Variants in DSTN observed in about 807,000 individuals in gnomAD.
DSTN encodes the protein destrin, actin depolymerizing factor.
Under a neutral mutation model 16.8 loss-of-function variants are expected in DSTN, and 10 were observed. The ratio of observed to expected loss-of-function variants is 0.60; its 90% CI spans 0.37 to 1.01. DSTN has a LOEUF of 1.01. DSTN is among the 50% of genes least tolerant of loss of function. DSTN has a pLI of 0.01. For missense variants in DSTN, 141 were observed against 196.7 expected, an observed-to-expected ratio of 0.72 and a Z score of 1.69; for synonymous variants, 57 against 58.9, an observed-to-expected ratio of 0.97 and a Z score of 0.14.
intron 3 of DSTN, chr20:17,605,346 A>G: frequency 2.9e-6 from 1 of 340,244 alleles, no homozygotes; most frequent in East Asian, 7.6e-5. Context: ...CAGCTGTAGA[A>G]GGGGAGACTT....
Position 17,600,749 on chromosome 20 carries a change from G to T in DSTN, c.15G>T (p.Val5=). 7 of 1,609,374 alleles carry T rather than the reference G, an allele frequency of 4.3e-6. No individual in the cohort carries two copies. The highest frequency in any genetic ancestry group is 5.9e-6 in the Non-Finnish European group (7 of 1,176,944). ...TTTTCTCATCATAGGCCTCAGGAGT[G>T]CAAGTAGCTGATGAAGTATGTCGCA... MASG[V]QVADEVCRIF... Residue 5 remains valine (V), a synonymous_variant, in exon 2 of 4, where the codon GTG becomes GTT. Coordinates refer to ENST00000246069, the MANE Select transcript of DSTN (RefSeq NM_006870.4).
chr20:17,596,865 T>G, intron 1 of DSTN: 4 of 909,238 alleles, frequency 4.4e-6, no homozygotes, highest in Non-Finnish European at 5.3e-6. Flanking sequence ...TGTTTTTGAT[T>G]ACTAGTACAT....
chr20:17,598,111 G>A (rs899640415), intron 1 of DSTN, among the ~76,000 whole-genome samples: 1 of 152,036 alleles, frequency 6.6e-6, no homozygotes, highest in African/African-American at 2.4e-5. Flanking sequence ...CTTTAGGATT[G>A]TTTTCACTTT....
chr20:17,603,287 G>C (rs182125972), intron 2 of DSTN, among the ~76,000 whole-genome samples: 1 of 152,120 alleles, frequency 6.6e-6, no homozygotes, highest in African/African-American at 2.4e-5. Flanking sequence ...GAAGTATTTA[G>C]CTATACCGTA....
intron 1 of DSTN, 129 bp downstream of exon 1, chr20:17,570,340 T>C (rs1408011859): frequency 1.6e-6 from 2 of 1,251,624 alleles, no homozygotes; most frequent in Admixed American, 4.0e-5. Context: ...CCGGCTGCAG[T>C]GTCCGGGCTG....
chr20:17,590,717 AT>A (rs549787275), intron 1 of DSTN, among the ~76,000 whole-genome samples: 142 of 152,354 alleles, frequency 9.3e-4, no homozygotes, highest in Middle Eastern at 3.4e-3. Context: ...CTCTTAGAAA[AT>A]TTTTTAAGTA....
rs1287094245 is a variant in DSTN, at chr20:17,577,960, G to A, written c.3+7749G>A. 7.9e-5 allele frequency among the ~76,000 whole-genome samples: 12 copies of A among 152,202 alleles called. No individual in the cohort carries two copies. In the East Asian group the frequency reaches 2.3e-3, roughly 29 times the overall value. On this transcript the variant is annotated intron_variant, in intron 1 of 3. Coordinates refer to ENST00000246069, the MANE Select transcript of DSTN (RefSeq NM_006870.4). ...GAATTTAAGTTAATTAAAATTAAAT[G>A]AAAATACAGTTCCTCAGTCACACTA... is the stretch of plus-strand genomic sequence containing the variant.
chr20:17,602,629 G>A (rs965890059), intron 2 of DSTN, among the ~76,000 whole-genome samples: 2 of 152,126 alleles, frequency 1.3e-5, no homozygotes, highest in African/African-American at 2.4e-5. Context: ...AACAAGCTCC[G>A]CCCATGGCCC....
chr20:17,585,207 A>G (rs940538163), intron 1 of DSTN, among the ~76,000 whole-genome samples: 1 of 152,216 alleles, frequency 6.6e-6, no homozygotes, highest in African/African-American at 2.4e-5. Context: ...TCTGTTAATA[A>G]ATAAGGACTT....
At position 17,600,981 on chromosome 20, in the gene DSTN, G is replaced by T; in HGVS notation, c.247G>T (p.Ala83Ser). ...GCTTCCTGAAAAAGATTGTCGCTAT[G>T]CTTTGTATGATGCAAGCTTTGAAAC... ...GMLPEKDCRY[A>S]LYDASFETKE... Residue 83 changes from alanine to serine, a missense_variant, in exon 2 of 4, where the codon GCT becomes TCT. Physicochemically the swap from Ala to Ser is moderately conservative, Grantham distance 99. Coordinates refer to ENST00000246069, the MANE Select transcript of DSTN (RefSeq NM_006870.4). 6.2e-7 allele frequency: 1 copy of T among 1,613,674 alleles called. No individual in the cohort carries two copies. Among genetic ancestry groups the T allele is most frequent in the Non-Finnish European group, 8.5e-7 (1 of 1,179,798 alleles).
At chr20:17,570,465 T>C (rs1023365276) in intron 1 of DSTN, among the ~76,000 whole-genome samples, 1 of 152,202 alleles carries the variant, frequency 6.6e-6, no homozygotes, top group African/African-American at 2.4e-5. Context: ...GCCGCCGCCC[T>C]GAGCGTGGCC....
chr20:17,580,272 A>G (rs1381153097), intron 1 of DSTN, among the ~76,000 whole-genome samples: 1 of 152,214 alleles, frequency 6.6e-6, no homozygotes, highest in African/African-American at 2.4e-5. Flanking sequence ...CTCAATGTTT[A>G]GAATAACAAT....
intron 1 of DSTN, among the ~76,000 whole-genome samples, chr20:17,593,601 A>G (rs928759051): frequency 6.6e-6 from 1 of 152,226 alleles, no homozygotes; most frequent in African/African-American, 2.4e-5. Context: ...TTGATCTGAC[A>G]TCTAAAGAGT....
rs2035681358 is a variant in DSTN at position 17,609,909 on chromosome 20, T to A, written c.*2763T>A. The A allele has an allele frequency of 2.0e-5, 3 of 152,268 alleles. No individual in the cohort carries two copies. Among genetic ancestry groups the A allele is most frequent in the Admixed American group, 2.0e-4 (3 of 15,290 alleles). The allele number at this position is 152,268 out of a possible 1,614,324, so 9.4% of individuals were successfully genotyped here. A position where few individuals can be genotyped will look rare whatever the true frequency, so the allele number is the denominator to read the frequency against. ...ACAAAGCAGCAAATAAAGCCATTGC[T>A]AACAATTCAATCAGAGCTTGACTGT... On this transcript the variant is annotated 3_prime_UTR_variant, in exon 4 of 4. Coordinates refer to ENST00000246069, the MANE Select transcript of DSTN (RefSeq NM_006870.4).
intron 1 of DSTN, among the ~76,000 whole-genome samples, 171 bp downstream of exon 1, chr20:17,570,382 C>T (rs1294978977): frequency 6.6e-6 from 1 of 152,092 alleles, no homozygotes; most frequent in Admixed American, 6.5e-5. Flanking sequence ...GCCTCCGTCT[C>T]CCGCCGTCCT....
intron 1 of DSTN, among the ~76,000 whole-genome samples, chr20:17,590,267 TGTGA>T (rs1464533025): frequency 3.9e-5 from 6 of 151,996 alleles, no homozygotes; most frequent in African/African-American, 1.5e-4. Context: ...TACTTCCCTC[TGTGA>T]GTGAGTAGTA....
intron 1 of DSTN, among the ~76,000 whole-genome samples, chr20:17,570,477 C>T (rs865866525): frequency 6.6e-6 from 1 of 152,204 alleles, no homozygotes; most frequent in South Asian, 2.1e-4. Context: ...AGCGTGGCCT[C>T]TGCGGGTGTC....
chr20:17,581,209 G>T (rs2035340127), intron 1 of DSTN, among the ~76,000 whole-genome samples: 1 of 152,104 alleles, frequency 6.6e-6, no homozygotes, highest in South Asian at 2.1e-4. Context: ...GGCTGTGTGT[G>T]GTGACCCATG....
chr20:17,607,133 G>T lies in DSTN; in HGVS notation c.485G>T (p.Gly162Val). 1 of 1,612,344 alleles carries T rather than the reference G, an allele frequency of 6.2e-7. No homozygotes were observed. Among genetic ancestry groups the T allele is most frequent in the South Asian group, 1.1e-5 (1 of 90,982 alleles). Reference protein sequence around the residue: ...LGGSLIVAFEGCPV With the variant: ...LGGSLIVAFEVCPV ...GGATCCTTAATTGTAGCCTTTGAAG[G>T]ATGCCCTGTGTAGATTATTCAGTGC... Residue 162 changes from glycine to valine, a missense_variant, in exon 4 of 4, where the codon GGA (glycine) becomes GTA (valine). By Grantham distance (109) the Gly-to-Val change is moderately radical. Coordinates refer to ENST00000246069, the MANE Select transcript of DSTN (RefSeq NM_006870.4).
Sources: gnomAD v4.1 joint callset for allele counts (sites outside exome capture counted in the v4.1 genomes callset) on GRCh38, gnomAD v4.1.1 for gene constraint, MANE v1.5 for transcripts, NCBI Gene and HGNC (gene_info 2026-07-23, HGNC 2026-07-21) for gene names.